The following STK32B variants were observed in gnomAD, a reference collection of about 807,000 sequenced individuals.
STK32B encodes serine/threonine kinase 32B, also known as serine/threonine-protein kinase 32B.
STK32B carries 43 observed loss-of-function variants against 52.6 expected under a neutral mutation model. The ratio of observed to expected loss-of-function variants is 0.82; its 90% CI spans 0.64 to 1.05. The LOEUF (loss-of-function observed/expected upper bound fraction) is 1.05. Among genes scored for constraint, STK32B ranks in the 50% least tolerant of loss-of-function variants. The pLI is 0.00. For synonymous variants in STK32B, 238 were observed against 204.3 expected, an observed-to-expected ratio of 1.17 and a Z score of -1.41; for missense variants, 621 against 534.6, an observed-to-expected ratio of 1.16 and a Z score of -1.59.
intron 3 of STK32B, among the ~76,000 whole-genome samples, chr4:5,315,377 A>G (rs1281232307): frequency 6.6e-6 from 1 of 152,178 alleles, no homozygotes; most frequent in East Asian, 1.9e-4. Flanking sequence ...TACAAGAATT[A>G]CTTTAAGAGG....
intron 6 of STK32B, among the ~76,000 whole-genome samples, chr4:5,430,260 C>G (rs1368841142): frequency 2.0e-5 from 3 of 152,170 alleles, no homozygotes; most frequent in Non-Finnish European, 4.4e-5. Flanking sequence ...TATTTACATG[C>G]CCTCTTCTCC....
chr4:5,308,383 G>A (rs760954884), intron 3 of STK32B, among the ~76,000 whole-genome samples: 19 of 152,180 alleles, frequency 1.2e-4, no homozygotes, highest in Non-Finnish European at 2.2e-4. Flanking sequence ...CTGCAAGTTA[G>A]TCCTGCCTCC....
At chr4:5,340,812 ATG>A (rs1733024581) in intron 4 of STK32B, among the ~76,000 whole-genome samples, 1 of 152,230 alleles carries the variant, frequency 6.6e-6, no homozygotes, top group African/African-American at 2.4e-5. Context: ...ATGCATGTGT[ATG>A]TACACATATA....
intron 3 of STK32B, among the ~76,000 whole-genome samples, chr4:5,268,784 G>A (rs1727223890): frequency 6.6e-6 from 1 of 151,864 alleles, no homozygotes; most frequent in African/African-American, 2.4e-5. Flanking sequence ...GCAGGCTAAG[G>A]GCTTCGGCTT....
Position 5,068,927 on chromosome 4 carries a change from C to CACAT in STK32B, c.52+17014_52+17015insATAC, listed in dbSNP as rs1479618876. 1.3e-3 allele frequency among the ~76,000 whole-genome samples: 198 copies of CACAT among 152,246 alleles called. 2 individuals carry two copies. Among genetic ancestry groups the CACAT allele is most frequent in the Non-Finnish European group, 2.5e-4 (17 of 68,020 alleles). ...TGTGTGCATGTGTATGTGGCAAGAA[C>CACAT]ACGTAAGACCTACTCCCTTGGCAAA... is the stretch of plus-strand genomic sequence containing the variant. On this transcript the variant is annotated intron_variant, in intron 1 of 11. Transcript: ENST00000282908.
At chr4:5,265,455 G>T (rs1357039126) in intron 3 of STK32B, among the ~76,000 whole-genome samples, 1 of 152,154 alleles carries the variant, frequency 6.6e-6, no homozygotes, top group African/African-American at 2.4e-5. Flanking sequence ...AGCTTTGCCT[G>T]ACCACTGCCG....
intron 4 of STK32B, among the ~76,000 whole-genome samples, chr4:5,352,564 A>T (rs1376142561): frequency 6.6e-6 from 1 of 151,524 alleles, no homozygotes; most frequent in Non-Finnish European, 1.5e-5. Context: ...TACCACTCCT[A>T]TTCAACATAG....
chr4:5,088,875 A>C lies in STK32B; in HGVS notation c.52+36960A>C, dbSNP rs1448927742. Among the ~76,000 whole-genome samples the C allele has an allele frequency of 9.2e-5, 14 of 151,752 alleles. No individual in the cohort carries two copies. The East Asian group carries it at 2.7e-3, about 30-fold the overall frequency. Reference sequence around the variant, plus strand: ...TCTCAAATCAATAACCTAATCTTTCACTTTAAGAATCTAGACAAAGAAGAA... The same window carrying C: ...TCTCAAATCAATAACCTAATCTTTCCCTTTAAGAATCTAGACAAAGAAGAA... On this transcript the variant is annotated intron_variant, in intron 1 of 11. Transcript: ENST00000282908.
At chr4:5,209,227 TTTTC>T (rs944552600) in intron 3 of STK32B, among the ~76,000 whole-genome samples, 2 of 152,202 alleles carry the variant, frequency 1.3e-5, no homozygotes, top group Non-Finnish European at 2.9e-5. Context: ...CATTTCTTTT[TTTTC>T]TTTCTTTTGA....
chr4:5,263,461 G>A (rs1249237263), intron 3 of STK32B, among the ~76,000 whole-genome samples: 2 of 152,084 alleles, frequency 1.3e-5, no homozygotes, highest in Non-Finnish European at 1.5e-5. Flanking sequence ...GAGCACTGAT[G>A]TCCATCTCTG....
intron 2 of STK32B, among the ~76,000 whole-genome samples, chr4:5,149,801 T>C (rs1305663745): frequency 4.6e-5 from 7 of 151,786 alleles, no homozygotes; most frequent in Non-Finnish European, 7.4e-5. Context: ...AGGAGGAAAA[T>C]AGTTTTTGAT....
chr4:5,342,476 C>T (rs1733151872), intron 4 of STK32B, among the ~76,000 whole-genome samples: 1 of 152,186 alleles, frequency 6.6e-6, no homozygotes, highest in African/African-American at 2.4e-5. Context: ...CTTGTTTTCT[C>T]ACTCATGGTT....
chr4:5,418,612 C>A (rs763447284), intron 6 of STK32B, among the ~76,000 whole-genome samples: 3 of 152,180 alleles, frequency 2.0e-5, no homozygotes, highest in Non-Finnish European at 4.4e-5. Context: ...TAGGCGGTAC[C>A]TAACCAGAGG....
intron 9 of STK32B, 29 bp from the exon 10 acceptor site, chr4:5,466,674 A>G: frequency 6.3e-7 from 1 of 1,599,062 alleles, no homozygotes; most frequent in South Asian, 1.1e-5. Context: ...ACGCAGACAG[A>G]CCATGTTTTC....
chr4:5,223,744 G>A (rs7657663), intron 3 of STK32B, among the ~76,000 whole-genome samples: 5,083 of 150,310 alleles, frequency 0.034, 271 homozygotes, highest in African/African-American at 0.12. Context: ...GTGAACCTGG[G>A]AGGCAGAGCT....
intron 1 of STK32B, among the ~76,000 whole-genome samples, chr4:5,089,837 GTATTTCTCCACAACCTCATC>G (rs1186121885): frequency 1.3e-5 from 2 of 152,076 alleles, no homozygotes; most frequent in Non-Finnish European, 2.9e-5. Flanking sequence ...AAAAGCGTTC[GTATTTCTCCACAACCTCATC>G]TATTTCTCCA....
intron 4 of STK32B, among the ~76,000 whole-genome samples, chr4:5,358,761 T>C (rs1330166622): frequency 6.6e-6 from 1 of 152,078 alleles, no homozygotes; most frequent in Non-Finnish European, 1.5e-5. Context: ...ATTTATATCA[T>C]GTTACAATCC....
intron 3 of STK32B, among the ~76,000 whole-genome samples, chr4:5,298,882 C>T (rs1302113281): frequency 6.6e-6 from 1 of 151,534 alleles, no homozygotes; most frequent in Non-Finnish European, 1.5e-5. Context: ...TCTGCCCAAA[C>T]AGCCACCCAG....
At chr4:5,183,692 G>C (rs920448137) in intron 3 of STK32B, among the ~76,000 whole-genome samples, 1 of 152,250 alleles carries the variant, frequency 6.6e-6, no homozygotes, top group African/African-American at 2.4e-5. Flanking sequence ...AAAATCTGTT[G>C]TTTGGTGTAG....
Sources: allele counts gnomAD v4.1 joint callset (sites outside exome capture counted in the v4.1 genomes callset), GRCh38; gene constraint gnomAD v4.1.1; transcripts MANE v1.5; gene names NCBI Gene and HGNC (gene_info 2026-07-23, HGNC 2026-07-21).